The following CP variants were observed in gnomAD, a reference collection of about 807,000 sequenced individuals.
CP encodes caeruloplasmin.
A neutral mutation model predicts 122.4 loss-of-function variants in CP; 64 were observed. The ratio of observed to expected loss-of-function variants is 0.52; its 90% CI spans 0.43 to 0.64. The LOEUF is 0.64. CP is among the 30% of genes least tolerant of loss of function. The probability of loss-of-function intolerance (pLI) is 0.00; values close to 1 mark genes in which losing one functional copy is unlikely to be tolerated. For synonymous variants in CP, 440 were observed against 436.4 expected, an observed-to-expected ratio of 1.01 and a Z score of -0.10; for missense variants, 1,167 against 1,284.4, an observed-to-expected ratio of 0.91 and a Z score of 1.40.
chr3:149,202,412 C>CCACT lies in CP; in HGVS notation c.1209-175_1209-172dup, dbSNP rs943773444. Among the ~76,000 whole-genome samples the CCACT allele has an allele frequency of 6.6e-5, 10 of 152,100 alleles. No individual in the cohort carries two copies. In the South Asian group the frequency reaches 8.3e-4, roughly 13 times the overall value. On this transcript the variant is annotated intron_variant, in intron 6 of 18. Transcript: ENST00000264613. ...CTCAAACAAAGCAGACAGTTCCAGT[C>CCACT]CACTCATAGAAGGATGGTCAGTTAA...
At chr3:149,180,823 T>C (rs1725729029) in intron 14 of CP, among the ~76,000 whole-genome samples, 1 of 152,130 alleles carries the variant, frequency 6.6e-6, no homozygotes, top group African/African-American at 2.4e-5. Flanking sequence ...CCACACCCCT[T>C]TACAACCTGC....
intron 1 of CP, among the ~76,000 whole-genome samples, chr3:149,219,845 T>C (rs1455757327): frequency 6.6e-6 from 1 of 150,976 alleles, no homozygotes; most frequent in Non-Finnish European, 1.5e-5. Flanking sequence ...CCTAGAGACT[T>C]GGAGGGCTCA....
At chr3:149,178,896 A>T (rs1325285282) in intron 15 of CP, among the ~76,000 whole-genome samples, 1 of 152,214 alleles carries the variant, frequency 6.6e-6, no homozygotes, top group Non-Finnish European at 1.5e-5. Context: ...ATGAGCAGTG[A>T]TTTTAAAAGA....
At position 149,206,244 on chromosome 3, in the gene CP, C is replaced by A; in HGVS notation, c.1132G>T (p.Ala378Ser). 1.2e-6 allele frequency: 2 copies of A among 1,613,960 alleles called. No individual in the cohort carries two copies. The highest frequency in any genetic ancestry group is 1.3e-5 in the African/African-American group (1 of 75,036). Residue 378 changes from alanine to serine, a missense_variant, in exon 6 of 19, where the codon GCT becomes TCT. Ala to Ser is a moderately conservative substitution (Grantham distance 99, BLOSUM62 1). Transcript: ENST00000264613. ...GKHVRHYYIA[A>S]EEIIWNYAPS... is the part of the protein sequence containing the mutation. ...GCATAGTTCCAGATGATTTCCTCAGCGGCAATGTAGTAGTGTCTAACATGC... is the reference window on the plus strand; with the variant it reads ...GCATAGTTCCAGATGATTTCCTCAGAGGCAATGTAGTAGTGTCTAACATGC...
rs1345919055 is a variant in CP at position 149,176,396 on chromosome 3, C to T, written c.3035G>A (p.Ser1012Asn). 6.2e-7 allele frequency: 1 copy of T among 1,610,676 alleles called. No homozygotes were observed. The highest frequency in any genetic ancestry group is 2.2e-5 in the East Asian group (1 of 44,858). ...SFQYKHRGVYSSDVFDIFPGT... is the reference protein window; with the variant it reads ...SFQYKHRGVYNSDVFDIFPGT... ...AGGGAAAATGTCAAAGACATCAGAA[C>T]TATAAACTCCCCTGTGCTTAATTAG... The change falls in exon 18 of 19, where the codon AGT becomes AAT. Residue 1012 changes from serine (S) to asparagine (N), a missense_variant. Around this residue, in one of 2 missense-constraint regions of CP, gnomAD observed 525 missense variants for 657.2 expected, o/e 0.80. Coordinates refer to ENST00000264613, the MANE Select transcript of CP (RefSeq NM_000096.4).
chr3:149,202,403 A>G (rs1159396006), intron 6 of CP, among the ~76,000 whole-genome samples, 162 bp from the exon 7 acceptor site: 1 of 152,212 alleles, frequency 6.6e-6, no homozygotes. Flanking sequence ...CAAAGCAGAC[A>G]GTTCCAGTCC....
chr3:149,170,037 G>C (rs1432581044), downstream of CP, among the ~76,000 whole-genome samples: 1 of 152,146 alleles, frequency 6.6e-6, no homozygotes, highest in Non-Finnish European at 1.5e-5. Context: ...CCCTAAATCA[G>C]GCCTAATACC....
chr3:149,181,675 A>G lies in CP; in HGVS notation c.2554+330T>C, dbSNP rs12496866. On this transcript the variant is annotated intron_variant, in intron 14 of 18. Coordinates refer to ENST00000264613, the MANE Select transcript of CP (RefSeq NM_000096.4). The stretch of plus-strand genomic sequence containing the variant: ...AGAACCACATGTGCTAGAGACAGGC[A>G]TGGGAACATCCAGCCACATATGGTG... Among the ~76,000 whole-genome samples the G allele has an allele frequency of 0.22, 33,293 of 152,054 alleles. 3,885 individuals carry two copies. The highest frequency in any genetic ancestry group is 0.28 in the East Asian group (1,439 of 5,158).
At chr3:149,202,900 T>G (rs1349187679) in intron 6 of CP, among the ~76,000 whole-genome samples, 2 of 143,596 alleles carry the variant, frequency 1.4e-5, no homozygotes, top group African/African-American at 5.2e-5. Flanking sequence ...TGAGCCACCA[T>G]GCCTGGCCTT....
intron 5 of CP, among the ~76,000 whole-genome samples, chr3:149,206,642 AAATCTGTAGAT>A (rs1183444229): frequency 1.3e-5 from 2 of 152,240 alleles, no homozygotes; most frequent in African/African-American, 4.8e-5. Flanking sequence ...GAAAAAGAAC[AAATCTGTAGAT>A]AAGCAGAGAA....
At chr3:149,201,405 G>C (rs1446331631) in intron 7 of CP, among the ~76,000 whole-genome samples, 1 of 152,128 alleles carries the variant, frequency 6.6e-6, no homozygotes, top group Non-Finnish European at 1.5e-5. Context: ...ACAGGCGTGA[G>C]CCACCACGCC....
At chr3:149,174,386 A>G (rs965589629) in intron 18 of CP, among the ~76,000 whole-genome samples, 20 of 152,150 alleles carry the variant, frequency 1.3e-4, no homozygotes, top group African/African-American at 4.8e-4. Context: ...TTTAGGAAAG[A>G]TAGTTGTATG....
intron 2 of CP, among the ~76,000 whole-genome samples, 192 bp from the exon 3 acceptor site, chr3:149,210,571 T>G (rs1322881384): frequency 6.6e-6 from 1 of 152,124 alleles, no homozygotes; most frequent in Non-Finnish European, 1.5e-5. Flanking sequence ...TTCACAGACA[T>G]TTTTATTATT....
chr3:149,219,702 T>C (rs929023554), intron 1 of CP, among the ~76,000 whole-genome samples: 3 of 152,066 alleles, frequency 2.0e-5, no homozygotes, highest in Non-Finnish European at 4.4e-5. Context: ...AGTAAATTGG[T>C]ACCTGGAGTG....
In CP at chr3:149,178,616, A is replaced by C. The variant is rs769138783; in HGVS notation, c.2677T>G (p.Leu893Val). 4 of 1,611,496 alleles carry C rather than the reference A, an allele frequency of 2.5e-6. No individual in the cohort carries two copies. Among genetic ancestry groups the C allele is most frequent in the Admixed American group, 3.3e-5 (2 of 59,940 alleles). Residue 893 changes from leucine (L) to valine (V), a missense_variant, in exon 16 of 19, where the codon TTA (leucine) becomes GTA (valine). Physicochemically the swap from Leu to Val is conservative, Grantham distance 32 (BLOSUM62 1). This residue lies in a region of CP where 525 missense variants were observed against 657.2 expected (regional missense o/e 0.80). Coordinates refer to ENST00000264613, the MANE Select transcript of CP (RefSeq NM_000096.4). Reference sequence around the variant, plus strand: ...CGACAAACAATCAGGGGGCCAATTAATCCACTGTAGAGGTCCTGGAAACAA... The same window carrying C: ...CGACAAACAATCAGGGGGCCAATTACTCCACTGTAGAGGTCCTGGAAACAA... ...VDQVKDLYSG[L>V]IGPLIVCRRP...
At chr3:149,193,977 A>ATATG (rs1482096402) in intron 9 of CP, among the ~76,000 whole-genome samples, 1 of 152,234 alleles carries the variant, frequency 6.6e-6, no homozygotes, top group Admixed American at 6.5e-5. Flanking sequence ...AGATAATGAA[A>ATATG]TATGCAGAAG....
At chr3:149,185,519 T>C in intron 11 of CP, 73 bp from the exon 12 acceptor site, 1 of 1,408,992 alleles carries the variant, frequency 7.1e-7, no homozygotes, top group East Asian at 2.3e-5. Context: ...TCCTCAGAAT[T>C]AATGCTGAAG....
At chr3:149,189,726 A>G (rs540393314) in intron 9 of CP, among the ~76,000 whole-genome samples, 3 of 152,302 alleles carry the variant, frequency 2.0e-5, no homozygotes, top group South Asian at 2.1e-4. Context: ...TCAGATGTAT[A>G]AGGATTCCAA....
At chr3:149,164,393 C>T (rs928723586) in intron 5 of CP, among the ~76,000 whole-genome samples, 3 of 152,092 alleles carry the variant, frequency 2.0e-5, no homozygotes, top group Non-Finnish European at 4.4e-5. Context: ...TTATCCAGCT[C>T]CTGAAAAGGA....
Sources: allele counts gnomAD v4.1 joint callset (sites outside exome capture counted in the v4.1 genomes callset), GRCh38; gene constraint gnomAD v4.1.1; regional missense constraint gnomAD v4.1.1; transcripts MANE v1.5; gene names NCBI Gene and HGNC (gene_info 2026-07-23, HGNC 2026-07-21).